GON4L: variants seen among roughly 807,000 people sequenced by gnomAD.
The protein encoded by GON4L is gon-4 like.
GON4L carries 87 observed loss-of-function variants against 211.8 expected under a neutral mutation model. The ratio of observed to expected loss-of-function variants is 0.41; its 90% CI spans 0.35 to 0.49. The LOEUF (loss-of-function observed/expected upper bound fraction) is 0.49, where lower values mean the gene tolerates loss of function less well. Ranked by LOEUF, GON4L falls within the 20% of genes least tolerant of loss-of-function variation. The pLI, the probability that GON4L is intolerant of heterozygous loss-of-function variation, is 0.15. For missense variants in GON4L, 2,155 were observed against 2,659.5 expected (o/e 0.81, Z 4.17); for synonymous variants, 875 against 962.6 (o/e 0.91, Z 1.68).
intron 14 of GON4L, among the ~76,000 whole-genome samples, chr1:155,781,101 T>C (rs1370635520): frequency 3.3e-5 from 5 of 151,896 alleles, no homozygotes; most frequent in African/African-American, 4.8e-5. Context: ...AATGAAAACA[T>C]AGCCTGCACG....
chr1:155,754,962 A>G (rs186295153), intron 27 of GON4L, among the ~76,000 whole-genome samples: 17 of 140,968 alleles, frequency 1.2e-4, no homozygotes, highest in Admixed American at 3.0e-4. Flanking sequence ...GCTAGAGTGC[A>G]GTGTCACATT....
At chr1:155,760,727 GT>G in intron 23 of GON4L, 86 bp from the exon 24 acceptor site, 1 of 856,320 alleles carries the variant, frequency 1.2e-6, no homozygotes, top group Non-Finnish European at 2.0e-6. Context: ...CAGGGTTATG[GT>G]TAGAGAGCTC....
At chr1:155,797,262 G>A (rs1184418703) in intron 11 of GON4L, among the ~76,000 whole-genome samples, 1 of 151,820 alleles carries the variant, frequency 6.6e-6, no homozygotes, top group Non-Finnish European at 1.5e-5. Flanking sequence ...CTACAGATGT[G>A]CACCACCATG....
chr1:155,815,726 C>T, intron 8 of GON4L, 79 bp downstream of exon 8: 1 of 839,204 alleles, frequency 1.2e-6, no homozygotes, highest in Non-Finnish European at 2.1e-6. Flanking sequence ...TCTCAATCCT[C>T]TCTACAAGTG....
Position 155,756,691 on chromosome 1 carries a change from G to A in GON4L, c.5517+267C>T, listed in dbSNP as rs146685010. 1.7e-4 allele frequency: 65 copies of A among 379,472 alleles called. No individual in the cohort carries two copies. In the Middle Eastern group the frequency reaches 2.4e-3, roughly 14 times the overall value. 23.5% of individuals were successfully genotyped at this position (379,472 alleles called of 1,614,324 possible). A position where few individuals can be genotyped will look rare whatever the true frequency, so the allele number is the denominator to read the frequency against. On this transcript the variant is annotated intron_variant, in intron 27 of 31. Coordinates refer to ENST00000368331, the MANE Select transcript of GON4L (RefSeq NM_001282860.2). ...TGTAATCCCAGCACTTTGGGAGGCCGAGGCGGGTGGATCACTTGAGGTAAG... is the reference window on the plus strand; with the variant it reads ...TGTAATCCCAGCACTTTGGGAGGCCAAGGCGGGTGGATCACTTGAGGTAAG...
rs979290865 is a variant in GON4L, at chr1:155,760,047, C to T, written c.5109+397G>A. On this transcript the variant is annotated intron_variant, in intron 24 of 31. Transcript: ENST00000368331. ...TTTCCTCATGATAACGTAAGCTCCACGAGGGCAGGAATTTTAGTCTTTTGT... is the reference window on the plus strand; with the variant it reads ...TTTCCTCATGATAACGTAAGCTCCATGAGGGCAGGAATTTTAGTCTTTTGT... Among the ~76,000 whole-genome samples the T allele has an allele frequency of 6.7e-5, 10 of 149,518 alleles. No individual in the cohort carries two copies. The East Asian group carries it at 1.4e-3, about 20-fold the overall frequency.
chr1:155,777,681 G>A lies in GON4L; in HGVS notation c.2032C>T (p.His678Tyr). 6.2e-7 allele frequency: 1 copy of A among 1,613,702 alleles called. No homozygotes were observed. ...GCTGGGTCCAGAATCAGAGTCTGAT[G>A]AACTTTCTCACTCTGGGGTTTAACC... ...EKVKPQSEKV[H>Y]QTLILDPAQR... The change falls in exon 15 of 32, where the codon CAT becomes TAT. Residue 678 changes from histidine to tyrosine, a missense_variant. By Grantham distance (83) the His-to-Tyr change is moderately conservative. Transcript: ENST00000368331.
At chr1:155,829,356 A>T (rs1379416978) in intron 2 of GON4L, among the ~76,000 whole-genome samples, 1 of 152,174 alleles carries the variant, frequency 6.6e-6, no homozygotes, top group African/African-American at 2.4e-5. Context: ...CTGTAGTCCT[A>T]GCACTTTGGG....
chr1:155,799,961 G>T (rs1225555480), intron 11 of GON4L, among the ~76,000 whole-genome samples: 2 of 152,216 alleles, frequency 1.3e-5, no homozygotes, highest in Non-Finnish European at 2.9e-5. Flanking sequence ...AGAACTTTGG[G>T]AGGCCGAGGA....
At chr1:155,767,364 A>T in intron 20 of GON4L, 61 bp downstream of exon 20, 6 of 1,613,966 alleles carry the variant, frequency 3.7e-6, no homozygotes, top group Non-Finnish European at 3.4e-6. Flanking sequence ...AGCCCTTGAT[A>T]TTCTCTCAGA....
chr1:155,758,297 A>C (rs7541060), intron 24 of GON4L, among the ~76,000 whole-genome samples: 2 of 152,082 alleles, frequency 1.3e-5, no homozygotes, highest in Non-Finnish European at 2.9e-5. Flanking sequence ...TGCTGTTTTA[A>C]GGATTGTGAA....
chr1:155,822,384 C>T lies in GON4L; in HGVS notation c.790G>A (p.Ala264Thr). 6.2e-7 allele frequency: 1 copy of T among 1,613,708 alleles called. No individual in the cohort carries two copies. Among genetic ancestry groups the T allele is most frequent in the South Asian group, 1.1e-5 (1 of 91,078 alleles). ...ATGTCATCCAGTTTCAGGTCATATG[C>T]CAAGGTCCCTTCTTGACCCCTTCCA... Reference protein sequence around the residue: ...RDGRGQEGTLAYDLKLDDMLD... With the variant: ...RDGRGQEGTLTYDLKLDDMLD... The change falls in exon 4 of 32, where the codon GCA becomes ACA. Residue 264 changes from alanine (A) to threonine (T), a missense_variant. Ala to Thr is a moderately conservative substitution (Grantham distance 58). This residue lies in a region of GON4L where 551 missense variants were observed against 854.0 expected (regional missense o/e 0.65). Transcript: ENST00000368331.
intron 10 of GON4L, 28 bp from the exon 11 acceptor site, chr1:155,805,169 G>A (rs766893791): frequency 6.7e-7 from 1 of 1,502,914 alleles, no homozygotes; most frequent in South Asian, 1.1e-5. Flanking sequence ...AAAAGTCACT[G>A]AGTGAGTGAT....
chr1:155,747,805 T>C (rs1557812401), downstream of GON4L: 2 of 1,611,824 alleles, frequency 1.2e-6, no homozygotes, highest in African/African-American at 2.7e-5. Flanking sequence ...TTCTCTGGGG[T>C]AGGCGCGAAG....
intron 1 of GON4L, 152 bp from the exon 2 acceptor site, chr1:155,853,958 GT>G: frequency 1.6e-6 from 1 of 633,824 alleles, no homozygotes; most frequent in Non-Finnish European, 2.8e-6. Context: ...AGAGACAGTG[GT>G]TAAGTGACTG....
intron 12 of GON4L, among the ~76,000 whole-genome samples, chr1:155,788,910 G>C (rs992838561): frequency 4.6e-5 from 7 of 152,106 alleles, no homozygotes; most frequent in Non-Finnish European, 7.4e-5. Context: ...CTAACACGGT[G>C]AAACCCCGTC....
In GON4L at chr1:155,771,082, A is replaced by G. The variant is rs1361973429; in HGVS notation, c.2631T>C (p.Pro877=). The G allele has an allele frequency of 1.9e-6, 3 of 1,614,098 alleles. No homozygotes were observed. The highest frequency in any genetic ancestry group is 2.2e-5 in the East Asian group (1 of 44,894). ...RIKNLNMNRA[P]DNIIKFYKKT... ...AAACACTCACTTTAATGATGTTGTCAGGAGCTCTGTTCATGTTGAGGTTCT... is the reference window on the plus strand; with the variant it reads ...AAACACTCACTTTAATGATGTTGTCGGGAGCTCTGTTCATGTTGAGGTTCT... Residue 877 remains proline (P), a synonymous_variant, in exon 19 of 32, where the codon CCT becomes CCC. Transcript: ENST00000368331.
intron 27 of GON4L, among the ~76,000 whole-genome samples, chr1:155,755,936 C>A (rs1238566523): frequency 1.3e-5 from 2 of 151,366 alleles, no homozygotes; most frequent in Admixed American, 1.3e-4. Flanking sequence ...AGCAGTTTCT[C>A]CCCAGAAAAG....
At chr1:155,748,070 T>C, downstream of GON4L, 1 of 1,608,206 alleles carries the variant, frequency 6.2e-7, no homozygotes, top group Non-Finnish European at 8.5e-7. Flanking sequence ...TGTCCTTGGG[T>C]GGGAGCCTGG....
Sources: gnomAD v4.1 joint callset for allele counts (sites outside exome capture counted in the v4.1 genomes callset) on GRCh38, gnomAD v4.1.1 for gene constraint, gnomAD v4.1.1 regional missense constraint, MANE v1.5 for transcripts, NCBI Gene and HGNC (gene_info 2026-07-23, HGNC 2026-07-21) for gene names.